TTLL11: variants seen among roughly 807,000 people sequenced by gnomAD.
TTLL11 encodes the protein tubulin tyrosine ligase like 11.
TTLL11 carries 42 observed loss-of-function variants against 51.7 expected under a neutral mutation model. The ratio of observed to expected loss-of-function variants is 0.81; its 90% confidence interval spans 0.64 to 1.05. The LOEUF (loss-of-function observed/expected upper bound fraction) is 1.05, where lower values mean the gene tolerates loss of function less well. TTLL11 is among the 50% of genes least tolerant of loss of function. TTLL11 has a pLI of 0.00. For missense variants in TTLL11, 799 were observed against 940.4 expected, an observed-to-expected ratio of 0.85 and a Z score of 1.97; for synonymous variants, 381 against 383.5, an observed-to-expected ratio of 0.99 and a Z score of 0.08.
At chr9:121,847,688 C>T (rs116079515) in intron 8 of TTLL11, among the ~76,000 whole-genome samples, 4,265 of 152,196 alleles carry the variant, frequency 0.028, 182 homozygotes, top group African/African-American at 0.096. Context: ...AAGCACCATG[C>T]CAGCTAGCTT....
At chr9:121,913,758 T>C (rs1430923916) in intron 6 of TTLL11, among the ~76,000 whole-genome samples, 2 of 152,192 alleles carry the variant, frequency 1.3e-5, no homozygotes, top group African/African-American at 4.8e-5. Flanking sequence ...AGTGCTTGTA[T>C]TGAAATCAAA....
intron 6 of TTLL11, among the ~76,000 whole-genome samples, chr9:121,873,686 G>A (rs944872706): frequency 7.3e-5 from 11 of 151,028 alleles, no homozygotes; most frequent in African/African-American, 2.7e-4. Context: ...AGAGATAGGG[G>A]CTCACTTTGT....
intron 8 of TTLL11, among the ~76,000 whole-genome samples, chr9:121,831,487 T>C (rs1159112662): frequency 6.6e-6 from 1 of 151,994 alleles, no homozygotes; most frequent in African/African-American, 2.4e-5. Flanking sequence ...GATCATGAGG[T>C]CAGGCATTCG....
intron 3 of TTLL11, among the ~76,000 whole-genome samples, chr9:122,009,273 C>A (rs1236916778): frequency 6.6e-6 from 1 of 151,958 alleles, no homozygotes; most frequent in African/African-American, 2.4e-5. Flanking sequence ...ATGCATATTT[C>A]AAAACAACAT....
chr9:121,869,537 G>A (rs1838280830), intron 7 of TTLL11, among the ~76,000 whole-genome samples: 1 of 152,160 alleles, frequency 6.6e-6, no homozygotes, highest in East Asian at 1.9e-4. Context: ...AGAGTTATTA[G>A]ATTAACATAT....
At chr9:121,920,583 G>T (rs938488609) in intron 6 of TTLL11, among the ~76,000 whole-genome samples, 4 of 152,198 alleles carry the variant, frequency 2.6e-5, no homozygotes, top group Non-Finnish European at 5.9e-5. Flanking sequence ...CAAAGGTAAG[G>T]TTGACATCCT....
intron 1 of TTLL11, among the ~76,000 whole-genome samples, chr9:122,083,678 C>T (rs1040249377): frequency 2.0e-5 from 3 of 152,054 alleles, no homozygotes; most frequent in Non-Finnish European, 4.4e-5. Flanking sequence ...GGTGTGGTGG[C>T]ATGCACCTAT....
chr9:122,052,931 G>A (rs1409937626), intron 1 of TTLL11, among the ~76,000 whole-genome samples: 3 of 152,322 alleles, frequency 2.0e-5, no homozygotes, highest in East Asian at 1.9e-4. Context: ...GAAAACAACC[G>A]CATAGGTGAA....
chr9:122,014,189 AC>A (rs1200897039), intron 3 of TTLL11, among the ~76,000 whole-genome samples: 1 of 151,786 alleles, frequency 6.6e-6, no homozygotes, highest in Non-Finnish European at 1.5e-5. Flanking sequence ...ACATAGCAAA[AC>A]CCTGTCTCTA....
At chr9:122,067,017 G>C (rs1234653577) in intron 1 of TTLL11, among the ~76,000 whole-genome samples, 1 of 152,084 alleles carries the variant, frequency 6.6e-6, no homozygotes, top group Non-Finnish European at 1.5e-5. Context: ...ACCTTCACCT[G>C]GTCTCTCCCT....
At chr9:122,010,528 C>T (rs959628619) in intron 3 of TTLL11, among the ~76,000 whole-genome samples, 4 of 152,192 alleles carry the variant, frequency 2.6e-5, no homozygotes, top group African/African-American at 9.7e-5. Context: ...ATGACAGAGA[C>T]TCTATGACCT....
intron 8 of TTLL11, among the ~76,000 whole-genome samples, chr9:121,834,926 GT>G (rs1837142729): frequency 1.3e-5 from 2 of 152,036 alleles, no homozygotes; most frequent in African/African-American, 4.8e-5. Flanking sequence ...TATCACAATA[GT>G]GGTTTCATTT....
intron 6 of TTLL11, among the ~76,000 whole-genome samples, chr9:121,940,441 G>T (rs904233987): frequency 4.0e-5 from 6 of 151,830 alleles, no homozygotes; most frequent in Non-Finnish European, 7.4e-5. Flanking sequence ...AGGTTCAAGC[G>T]ATTCTCCTGC....
intron 1 of TTLL11, among the ~76,000 whole-genome samples, chr9:122,049,130 T>C (rs1349379506): frequency 6.6e-6 from 1 of 152,190 alleles, no homozygotes; most frequent in African/African-American, 2.4e-5. Flanking sequence ...CAGTAATGTT[T>C]CATGAATGAA....
At chr9:121,882,504 C>T (rs1230960379) in intron 6 of TTLL11, among the ~76,000 whole-genome samples, 1 of 152,182 alleles carries the variant, frequency 6.6e-6, no homozygotes, top group African/African-American at 2.4e-5. Context: ...CTTCCTGAAC[C>T]TCTCATTTCC....
At chr9:121,859,007 C>A (rs1370805545) in intron 8 of TTLL11, among the ~76,000 whole-genome samples, 1 of 152,178 alleles carries the variant, frequency 6.6e-6, no homozygotes, top group Non-Finnish European at 1.5e-5. Context: ...TGCCAGGGTG[C>A]TGCGGGCTCA....
At chr9:122,012,442 A>AG (rs1564357224) in intron 3 of TTLL11, among the ~76,000 whole-genome samples, 2 of 151,242 alleles carry the variant, frequency 1.3e-5, no homozygotes, top group African/African-American at 4.9e-5. Context: ...GAGAGAGAGA[A>AG]AAAAAAAAGC....
chr9:122,093,157 G>A lies in TTLL11; in HGVS notation c.-9C>T, dbSNP rs1846316123. On this transcript the variant is annotated 5_prime_UTR_variant, in exon 1 of 9. Transcript: ENST00000321582. ...GAGCTGCCCCGCCGCATGGTGCTCAGGGCCGGGGCCAGTGCCAGTGCCACC... is the reference window on the plus strand; with the variant it reads ...GAGCTGCCCCGCCGCATGGTGCTCAAGGCCGGGGCCAGTGCCAGTGCCACC... 3 of 1,494,952 alleles carry A rather than the reference G, an allele frequency of 2.0e-6. No homozygotes were observed. The highest frequency in any genetic ancestry group is 2.8e-5 in the East Asian group (1 of 36,320). 92.6% of individuals were successfully genotyped at this position (1,494,952 alleles called of 1,614,324 possible). A position where few individuals can be genotyped will look rare whatever the true frequency, so the allele number is the denominator to read the frequency against.
At position 121,853,063 on chromosome 9, in the gene TTLL11, C is replaced by T. The variant is rs1837712057; in HGVS notation, c.1840+7274G>A. 6.6e-6 allele frequency among the ~76,000 whole-genome samples: 1 copy of T among 152,226 alleles called. No individual in the cohort carries two copies. The highest frequency in any genetic ancestry group is 1.5e-5 in the Non-Finnish European group (1 of 68,044). On this transcript the variant is annotated intron_variant, in intron 8 of 8. Transcript: ENST00000321582. This position sits in a 1 kb window ranked among gnomAD's most constrained non-coding sequence, Gnocchi z 5.6. ...TTAACCAAATACATTTCAGCTGGGG[C>T]TTACTCCAGCCGATGTGAGCAGAGG...
Sources: gnomAD v4.1 joint callset for allele counts (sites outside exome capture counted in the v4.1 genomes callset) on GRCh38, gnomAD v4.1.1 for gene constraint, Gnocchi (gnomAD v3.1) non-coding constraint, MANE v1.5 for transcripts, NCBI Gene and HGNC (gene_info 2026-07-23, HGNC 2026-07-21) for gene names.